Variants in ZBTB37 observed in about 807,000 individuals in gnomAD.
ZBTB37 encodes zinc finger and BTB domain-containing protein 37.
Under a neutral mutation model 37.7 loss-of-function variants are expected in ZBTB37, and 15 were observed. That is an observed-to-expected ratio of 0.40 (90% CI 0.27 to 0.61). The LOEUF (loss-of-function observed/expected upper bound fraction) is 0.61, where lower values mean the gene tolerates loss of function less well. Among genes scored for constraint, ZBTB37 ranks in the 20% least tolerant of loss-of-function variants. ZBTB37 has a pLI of 0.44. For missense variants in ZBTB37, 514 were observed against 641.9 expected (o/e 0.80, Z 2.15); for synonymous variants, 231 against 220.6 (o/e 1.05, Z -0.42).
chr1:173,890,539 T>C (rs1448018813), downstream of ZBTB37: 1 of 152,214 alleles, frequency 6.6e-6, no homozygotes, highest in Non-Finnish European at 1.5e-5. Context: ...TTGAGCTCTT[T>C]ATTTAGGTTA....
chr1:173,873,736 C>T, intron 4 of ZBTB37, 170 bp downstream of exon 4: 2 of 1,171,448 alleles, frequency 1.7e-6, no homozygotes, highest in Non-Finnish European at 2.3e-6. Context: ...TAAAATTATA[C>T]AGAGACATCA....
chr1:173,872,698 T>TA (rs1308972262), intron 3 of ZBTB37, among the ~76,000 whole-genome samples: 1 of 151,780 alleles, frequency 6.6e-6, no homozygotes, highest in Non-Finnish European at 1.5e-5. Flanking sequence ...AATAAAATTT[T>TA]AAAAAAAACT....
At chr1:173,875,102 A>G (rs1379309417) in intron 4 of ZBTB37, among the ~76,000 whole-genome samples, 1 of 142,540 alleles carries the variant, frequency 7.0e-6, no homozygotes, top group Non-Finnish European at 1.5e-5. Flanking sequence ...CCTGGAATCG[A>G]AAGTCTGATT....
intron 4 of ZBTB37, among the ~76,000 whole-genome samples, chr1:173,884,347 G>A (rs1238729020): frequency 2.0e-5 from 3 of 151,930 alleles, no homozygotes; most frequent in Non-Finnish European, 4.4e-5. Context: ...TTGTACAGGT[G>A]GGGTCTTGCT....
At chr1:173,886,279 A>G (rs1656617981) in exon 5 of ZBTB37, 1 of 1,217,448 alleles carries the variant, frequency 8.2e-7, no homozygotes, top group Non-Finnish European at 1.1e-6. Context: ...AGCAACTTAC[A>G]CAAAAGCACT....
At chr1:173,891,788 G>C (rs1656851979) in exon 4 of ZBTB37, 1 of 152,132 alleles carries the variant, frequency 6.6e-6, no homozygotes, top group Non-Finnish European at 1.5e-5. Context: ...TGCAAGAAGA[G>C]AGAATAATTG....
At chr1:173,902,632 T>C (rs1335251948) in exon 4 of ZBTB37, 1 of 152,124 alleles carries the variant, frequency 6.6e-6, no homozygotes, top group Non-Finnish European at 1.5e-5. Context: ...TATATAGGAG[T>C]AGGATTTTCT....
At chr1:173,869,621 T>G (rs575301335) in intron 2 of ZBTB37, among the ~76,000 whole-genome samples, 30 of 147,732 alleles carry the variant, frequency 2.0e-4, no homozygotes, top group African/African-American at 7.3e-4. Flanking sequence ...TAGAGTTTGC[T>G]TCACAGCCCT....
At chr1:173,872,214 C>G (rs9425762) in intron 3 of ZBTB37, among the ~76,000 whole-genome samples, 29,816 of 151,574 alleles carry the variant, frequency 0.2, 3,983 homozygotes, top group African/African-American at 0.38. Flanking sequence ...GACTACAGGT[C>G]CCTGCCCCCA....
chr1:173,871,836 C>A (rs1251149936), intron 3 of ZBTB37, among the ~76,000 whole-genome samples: 1 of 151,924 alleles, frequency 6.6e-6, no homozygotes, highest in Non-Finnish European at 1.5e-5. Flanking sequence ...TTAGACATTT[C>A]TTTTTGGTGG....
At chr1:173,889,233 C>G (rs1656746883), downstream of ZBTB37, 2 of 152,364 alleles carry the variant, frequency 1.3e-5, no homozygotes, top group Middle Eastern at 6.8e-3. Flanking sequence ...TGTCCTAGTT[C>G]TTAGCTAACA....
exon 4 of ZBTB37, chr1:173,896,080 C>T (rs1657032839): frequency 6.6e-6 from 1 of 152,068 alleles, no homozygotes; most frequent in Non-Finnish European, 1.5e-5. Context: ...GTACTCAATG[C>T]TGAAGACTTA....
At chr1:173,870,757 G>T (rs1412859461) in exon 3 of ZBTB37, 38 of 1,614,074 alleles carry the variant, frequency 2.4e-5, no homozygotes, top group Non-Finnish European at 3.2e-5. Context: ...GCGAGGTCAG[G>T]TTAGTGCTGT....
At chr1:173,900,349 G>A (rs2102768366) in exon 4 of ZBTB37, 1 of 152,256 alleles carries the variant, frequency 6.6e-6, no homozygotes, top group Middle Eastern at 3.4e-3. Flanking sequence ...CCCAAATGAG[G>A]TTCCAGATTC....
chr1:173,873,006 CA>C (rs202221478), intron 3 of ZBTB37, among the ~76,000 whole-genome samples: 468 of 121,756 alleles, frequency 3.8e-3, no homozygotes, highest in Admixed American at 6.7e-3. Context: ...GACTCTGTCT[CA>C]AAAAAAAAAA....
exon 4 of ZBTB37, chr1:173,897,343 A>G (rs537057788): frequency 6.6e-6 from 1 of 152,328 alleles, no homozygotes; most frequent in South Asian, 2.1e-4. Flanking sequence ...TTCTATTTGT[A>G]AAGATGTTAT....
exon 5 of ZBTB37, chr1:173,885,685 G>T: frequency 6.4e-7 from 1 of 1,552,050 alleles, no homozygotes; most frequent in Non-Finnish European, 8.7e-7. Flanking sequence ...GAGTATCTCC[G>T]AGAGCAGGAA....
intron 4 of ZBTB37, among the ~76,000 whole-genome samples, chr1:173,875,226 T>G (rs1196263440): frequency 3.3e-5 from 5 of 149,960 alleles, no homozygotes; most frequent in Non-Finnish European, 5.9e-5. Context: ...ATGCACACAC[T>G]ATATATACTA....
chr1:173,890,589 T>C (rs746268643), downstream of ZBTB37: 1 of 152,234 alleles, frequency 6.6e-6, no homozygotes, highest in Non-Finnish European at 1.5e-5. Context: ...CTTTGGTTGC[T>C]AAGCAGATTT....
Sources: allele counts gnomAD v4.1 joint callset (sites outside exome capture counted in the v4.1 genomes callset), GRCh38; gene constraint gnomAD v4.1.1; transcripts MANE v1.5; gene names NCBI Gene and HGNC (gene_info 2026-07-23, HGNC 2026-07-21).